COL6A5: variants seen among roughly 807,000 people sequenced by gnomAD.
COL6A5 encodes the protein collagen alpha-5(VI) chain.
In COL6A5, 48 loss-of-function variants were observed where a neutral mutation model predicts 65.6. The observed-to-expected ratio is 0.73, with a 90% confidence interval of 0.58 to 0.93. The LOEUF (loss-of-function observed/expected upper bound fraction) is 0.93. Ranked by LOEUF, COL6A5 falls within the 40% of genes least tolerant of loss-of-function variation. The probability of loss-of-function intolerance (pLI) is 0.00; values close to 1 mark genes in which losing one functional copy is unlikely to be tolerated. For missense variants in COL6A5, 914 were observed against 928.3 expected (o/e 0.98, Z 0.20); for synonymous variants, 291 against 322.8 (o/e 0.90, Z 1.05).
intron 1 of COL6A5, among the ~76,000 whole-genome samples, chr3:130,370,815 A>T (rs1373966240): frequency 1.3e-5 from 2 of 152,212 alleles, no homozygotes; most frequent in Non-Finnish European, 2.9e-5. Context: ...TTCCACCTCT[A>T]CAAAATTAAG....
intron 6 of COL6A5, 25 bp from the exon 7 acceptor site, chr3:130,391,154 G>T: frequency 6.6e-7 from 1 of 1,513,038 alleles, no homozygotes; most frequent in Non-Finnish European, 8.9e-7. Flanking sequence ...GAAAGTTTGT[G>T]ACTCCTGTTT....
chr3:130,406,072 G>T (rs184893880), intron 15 of COL6A5, 53 bp downstream of exon 15: 4 of 1,548,102 alleles, frequency 2.6e-6, no homozygotes, highest in Non-Finnish European at 8.7e-7. Flanking sequence ...ATTAGTTTCC[G>T]AATAAGCGTG....
At chr3:130,369,016 G>C (rs1234977897) in intron 1 of COL6A5, among the ~76,000 whole-genome samples, 1 of 152,146 alleles carries the variant, frequency 6.6e-6, no homozygotes, top group African/African-American at 2.4e-5. Context: ...TTATCAACTG[G>C]AGACTGTGGT....
chr3:130,362,270 C>CTCTCTCTCTCTCTCTT (rs1559857832), intron 1 of COL6A5, among the ~76,000 whole-genome samples: 1 of 135,416 alleles, frequency 7.4e-6, no homozygotes, highest in African/African-American at 2.9e-5. Context: ...CTCTCTCTCT[C>CTCTCTCTCTCTCTCTT]TTTGTCTCTG....
chr3:130,449,907 C>T (rs375544306), intron 4 of COL6A5, among the ~76,000 whole-genome samples: 70 of 152,194 alleles, frequency 4.6e-4, no homozygotes, highest in African/African-American at 1.3e-3. Context: ...GAGGTAGATG[C>T]TCTACCTAAC....
At chr3:130,397,517 T>A in intron 8 of COL6A5, 66 bp from the exon 9 acceptor site, 1 of 1,295,274 alleles carries the variant, frequency 7.7e-7, no homozygotes, top group South Asian at 1.5e-5. Context: ...GCTCCTTTTT[T>A]CTGCCGTCTC....
At chr3:130,357,900 T>C (rs547940843) in intron 1 of COL6A5, among the ~76,000 whole-genome samples, 1 of 152,258 alleles carries the variant, frequency 6.6e-6, no homozygotes, top group East Asian at 1.9e-4. Flanking sequence ...AAAATATTAC[T>C]ATTAACTGGC....
chr3:130,481,894 G>GT (rs1710254655), intron 7 of COL6A5, among the ~76,000 whole-genome samples: 1 of 151,958 alleles, frequency 6.6e-6, no homozygotes, highest in Non-Finnish European at 1.5e-5. Flanking sequence ...TAATGGGGTT[G>GT]TTTTTTTAAA....
chr3:130,416,404 C>T (rs7629023), intron 23 of COL6A5, among the ~76,000 whole-genome samples: 88,053 of 151,966 alleles, frequency 0.58, 28,285 homozygotes, highest in Non-Finnish European at 0.73. Flanking sequence ...ATGGTACGGG[C>T]ACAAAGGTGG....
At chr3:130,401,220 C>A in intron 11 of COL6A5, 47 bp downstream of exon 11, 1 of 1,477,926 alleles carries the variant, frequency 6.8e-7, no homozygotes, top group Non-Finnish European at 9.0e-7. Context: ...GCCATGGGAA[C>A]TAAATTGGAA....
chr3:130,362,710 A>G (rs1368166982), intron 1 of COL6A5, among the ~76,000 whole-genome samples: 4 of 152,186 alleles, frequency 2.6e-5, no homozygotes, highest in African/African-American at 9.6e-5. Flanking sequence ...CTACAGATCA[A>G]TTTGGGAAGA....
intron 20 of COL6A5, among the ~76,000 whole-genome samples, chr3:130,410,999 G>T (rs1937158911): frequency 6.6e-6 from 1 of 152,108 alleles, no homozygotes; most frequent in Non-Finnish European, 1.5e-5. Context: ...CTATGAACTA[G>T]GTAAATATAC....
chr3:130,400,144 A>G (rs1010260697), intron 10 of COL6A5, among the ~76,000 whole-genome samples: 1 of 151,980 alleles, frequency 6.6e-6, no homozygotes, highest in South Asian at 2.1e-4. Flanking sequence ...TACTCTCTCC[A>G]TCTTCCATCT....
exon 8 of COL6A5, chr3:130,484,235 G>A (rs1710320803): frequency 1.7e-6 from 1 of 574,972 alleles, no homozygotes; most frequent in Non-Finnish European, 3.0e-6. Flanking sequence ...AATTTTCGGA[G>A]TGAAGACATC....
chr3:130,367,569 G>A (rs1224677738), intron 1 of COL6A5, among the ~76,000 whole-genome samples: 2 of 152,146 alleles, frequency 1.3e-5, no homozygotes, highest in Non-Finnish European at 2.9e-5. Context: ...CAGAATGGGA[G>A]GTGGACATGT....
At chr3:130,432,032 C>G (rs955356054) in intron 1 of COL6A5, 83 bp downstream of exon 33, 2 of 1,391,930 alleles carry the variant, frequency 1.4e-6, no homozygotes, top group Non-Finnish European at 9.6e-7. Flanking sequence ...GGTAGAGAGT[C>G]AAGAAATATA....
At chr3:130,430,219 A>G (rs1215126876), upstream of COL6A5, among the ~76,000 whole-genome samples, 1 of 152,204 alleles carries the variant, frequency 6.6e-6, no homozygotes, top group Non-Finnish European at 1.5e-5. Context: ...CTGCAAAAAT[A>G]TACCTTGCAA....
Position 130,424,533 on chromosome 3 carries a change from T to G in COL6A5, c.5163+633T>G, listed in dbSNP as rs541557939. Reference sequence around the variant, plus strand: ...GAGAATTAAATATTGCGAGCACCTGTGTTTTGTGGTGGAGACCCAGGCAGC... The same window carrying G: ...GAGAATTAAATATTGCGAGCACCTGGGTTTTGTGGTGGAGACCCAGGCAGC... On this transcript the variant is annotated intron_variant and NMD_transcript_variant, in intron 29 of 41. Coordinates refer to the COL6A5 transcript ENST00000312481. 8.5e-5 allele frequency among the ~76,000 whole-genome samples: 13 copies of G among 152,184 alleles called. No homozygotes were observed. The East Asian group carries it at 2.5e-3, about 29-fold the overall frequency.
intron 1 of COL6A5, among the ~76,000 whole-genome samples, chr3:130,349,649 A>G (rs1012485335): frequency 6.6e-6 from 1 of 152,196 alleles, no homozygotes; most frequent in Admixed American, 6.5e-5. Context: ...ACTAATTTAT[A>G]ATTTTCTTAT....
Sources: allele counts gnomAD v4.1 joint callset (sites outside exome capture counted in the v4.1 genomes callset), GRCh38; gene constraint gnomAD v4.1.1; transcripts MANE v1.5; gene names NCBI Gene and HGNC (gene_info 2026-07-23, HGNC 2026-07-21).